SUCO: variants seen among roughly 807,000 people sequenced by gnomAD.
SUCO encodes SUN domain-containing ossification factor.
Under a neutral mutation model 148.1 loss-of-function variants are expected in SUCO, and 57 were observed. That is an observed-to-expected ratio of 0.38 (90% CI 0.31 to 0.48). The LOEUF (loss-of-function observed/expected upper bound fraction) is 0.48, where lower values mean the gene tolerates loss of function less well. Ranked by LOEUF, SUCO falls within the 20% of genes least tolerant of loss-of-function variation. The pLI, the probability that SUCO is intolerant of heterozygous loss-of-function variation, is 0.96. For synonymous variants in SUCO, 470 were observed against 502.7 expected, an observed-to-expected ratio of 0.93 and a Z score of 0.87; for missense variants, 1,331 against 1,468.2, an observed-to-expected ratio of 0.91 and a Z score of 1.53.
At chr1:172,563,710 A>T (rs1279523300) in intron 6 of SUCO, among the ~76,000 whole-genome samples, 1 of 152,206 alleles carries the variant, frequency 6.6e-6, no homozygotes, top group African/African-American at 2.4e-5. Context: ...AGAAAAACCC[A>T]TTCACTGGGG....
At position 172,610,435 on chromosome 1, in the gene SUCO, T is replaced by C; in HGVS notation, c.*176T>C. 1 of 949,742 alleles carries C rather than the reference T, an allele frequency of 1.1e-6. No homozygotes were observed. 58.8% of individuals were successfully genotyped at this position (949,742 alleles called of 1,614,324 possible). A position where few individuals can be genotyped will look rare whatever the true frequency, so the allele number is the denominator to read the frequency against. On this transcript the variant is annotated 3_prime_UTR_variant, in exon 24 of 24. Coordinates refer to ENST00000263688, the MANE Select transcript of SUCO (RefSeq NM_014283.5). ...ATTGTGTCAATCTTGGTTAATGAGC[T>C]ACAGTTTTACAAAGCTGATCACTTC...
Position 172,557,733 on chromosome 1 carries a change from G to A in SUCO, c.671G>A (p.Ser224Asn). The A allele has an allele frequency of 1.2e-6, 2 of 1,613,338 alleles. No homozygotes were observed. Among genetic ancestry groups the A allele is most frequent in the Non-Finnish European group, 1.7e-6 (2 of 1,179,712 alleles). Residue 224 changes from serine (S) to asparagine (N), a missense_variant, in exon 6 of 24, where the codon AGT becomes AAT. Transcript: ENST00000263688. ...KSEFESKVSA[S>N]EQGGGDPKSA... is the part of the protein sequence containing the mutation. ...GAATTTGAATCAAAAGTTTCAGCAAGTGAACAGGGCGGTGGTGATCCAAAA... is the reference window on the plus strand; with the variant it reads ...GAATTTGAATCAAAAGTTTCAGCAAATGAACAGGGCGGTGGTGATCCAAAA...
At position 172,589,087 on chromosome 1, in the gene SUCO, T is replaced by C. The variant is rs776840363; in HGVS notation, c.1986T>C (p.Ala662=). The C allele has an allele frequency of 1.2e-6, 2 of 1,613,682 alleles. No homozygotes were observed. Among genetic ancestry groups the C allele is most frequent in the East Asian group, 2.2e-5 (1 of 44,884 alleles). The change falls in exon 18 of 24, where the codon GCT becomes GCC. Residue 662 remains alanine (A), a synonymous_variant. Transcript: ENST00000263688. ...LSKGKDYLVL[A]QPPLLLPAES... ...AAGGAAAAGATTATCTTGTGTTAGC[T>C]CAACCACCCTTACTACTTCCTGCGG...
chr1:172,556,227 T>A (rs2149232809), intron 4 of SUCO, among the ~76,000 whole-genome samples: 1 of 152,350 alleles, frequency 6.6e-6, no homozygotes, highest in East Asian at 1.9e-4. Context: ...CAAGTTTATT[T>A]AGCTAACTAA....
At chr1:172,558,914 CTGTT>C (rs756424937) in intron 6 of SUCO, among the ~76,000 whole-genome samples, 9 of 152,196 alleles carry the variant, frequency 5.9e-5, no homozygotes, top group Non-Finnish European at 8.8e-5. Context: ...GAGACTTAAA[CTGTT>C]TGTGAGTCTA....
intron 15 of SUCO, among the ~76,000 whole-genome samples, chr1:172,580,390 C>T (rs918743823): frequency 3.9e-5 from 6 of 152,056 alleles, no homozygotes; most frequent in African/African-American, 1.2e-4. Context: ...TTCTGACTTT[C>T]TAGATATTAG....
chr1:172,606,146 C>G (rs1007909729), intron 22 of SUCO, among the ~76,000 whole-genome samples: 4 of 151,232 alleles, frequency 2.6e-5, no homozygotes, highest in Non-Finnish European at 5.9e-5. Context: ...TATATTATTT[C>G]TACATAATTT....
At chr1:172,593,002 T>C (rs2149263404) in intron 19 of SUCO, among the ~76,000 whole-genome samples, 1 of 152,316 alleles carries the variant, frequency 6.6e-6, no homozygotes, top group East Asian at 1.9e-4. Flanking sequence ...CCCTTTTAAG[T>C]TGGATTCCTA....
Position 172,553,239 on chromosome 1 carries a change from TTTG to T in SUCO, c.178-9_178-7del, listed in dbSNP as rs766194690. 204 of 1,537,104 alleles carry T rather than the reference TTTG, an allele frequency of 1.3e-4. No homozygotes were observed. Among genetic ancestry groups the T allele is most frequent in the Middle Eastern group, 8.7e-4 (5 of 5,720 alleles). Reference sequence around the variant, plus strand: ...TGTAAAACAGTTTTATCAGGTGATTTTTGTTGTTGTTGTTATATAGGATGAAAG... The same window carrying T: ...TGTAAAACAGTTTTATCAGGTGATTTTTGTTGTTGTTATATAGGATGAAAG... On this transcript the variant is annotated intron_variant, in intron 2 of 23. Coordinates refer to ENST00000263688, the MANE Select transcript of SUCO (RefSeq NM_014283.5).
intron 19 of SUCO, among the ~76,000 whole-genome samples, chr1:172,591,655 A>G (rs1343501254): frequency 3.3e-5 from 5 of 151,924 alleles, no homozygotes; most frequent in South Asian, 2.1e-4. Flanking sequence ...TATATGTGCC[A>G]CATTTTCTTA....
intron 20 of SUCO, among the ~76,000 whole-genome samples, chr1:172,600,515 T>G (rs1460899612): frequency 6.6e-6 from 1 of 152,144 alleles, no homozygotes; most frequent in African/African-American, 2.4e-5. Flanking sequence ...ATTTAAAAAC[T>G]TTTTATTGAG....
intron 1 of SUCO, chr1:172,542,789 A>C (rs555688488): frequency 2.0e-6 from 2 of 985,464 alleles, no homozygotes; most frequent in South Asian, 4.7e-5. Context: ...GGTGCCAAGC[A>C]TAGTAAAGCT....
chr1:172,585,912 A>C lies in SUCO; in HGVS notation c.1622A>C (p.Glu541Ala). 6.2e-6 allele frequency: 10 copies of C among 1,611,370 alleles called. No individual in the cohort carries two copies. Among genetic ancestry groups the C allele is most frequent in the Non-Finnish European group, 7.6e-6 (9 of 1,178,710 alleles). Residue 541 changes from glutamate (E) to alanine (A), a missense_variant, in exon 17 of 24, where the codon GAA becomes GCA. This residue lies in a region of SUCO where 992 missense variants were observed against 1,093.5 expected (regional missense o/e 0.91). Transcript: ENST00000263688. ...GCCACAGCTGCACCTAAAATGCCTG[A>C]ATCAACTCCTGTTTCAACTCCTGTT... ...ATATAAPKMPESTPVSTPVPS... is the reference protein window; with the variant it reads ...ATATAAPKMPASTPVSTPVPS...
At chr1:172,543,681 A>T (rs981915033) in intron 1 of SUCO, among the ~76,000 whole-genome samples, 1 of 152,154 alleles carries the variant, frequency 6.6e-6, no homozygotes, top group Non-Finnish European at 1.5e-5. Flanking sequence ...TAAAAGTCAG[A>T]ACTACTGAAA....
intron 15 of SUCO, 93 bp downstream of exon 15, chr1:172,579,360 C>T: frequency 1.4e-6 from 1 of 733,570 alleles, no homozygotes; most frequent in Non-Finnish European, 2.3e-6. Context: ...GAGAATTCTC[C>T]CAGTGTTGAA....
chr1:172,568,701 A>T (rs2149244067), intron 6 of SUCO, among the ~76,000 whole-genome samples: 1 of 152,248 alleles, frequency 6.6e-6, no homozygotes, highest in East Asian at 1.9e-4. Flanking sequence ...GCAAGTATAC[A>T]ATTTATTCAT....
At chr1:172,581,473 C>CT (rs1655880238) in intron 15 of SUCO, among the ~76,000 whole-genome samples, 1 of 152,138 alleles carries the variant, frequency 6.6e-6, no homozygotes, top group African/African-American at 2.4e-5. Context: ...ACTTTATAGA[C>CT]TTGGCCTAAC....
rs1571300773 is a variant in SUCO, at chr1:172,606,273, C to T, written c.3266-2474C>T. On this transcript the variant is annotated intron_variant, in intron 22 of 23. Transcript: ENST00000263688. Reference sequence around the variant, plus strand: ...AAAAATTAGATGGGCAGGGGTATCCCTTTTAATTTTTTTTTTTTTTCCCCT... The same window carrying T: ...AAAAATTAGATGGGCAGGGGTATCCTTTTTAATTTTTTTTTTTTTTCCCCT... Among the ~76,000 whole-genome samples the T allele has an allele frequency of 2.9e-5, 3 of 102,534 alleles. No individual in the cohort carries two copies. The East Asian group carries it at 6.7e-4, about 23-fold the overall frequency. 67.3% of individuals were successfully genotyped at this position (102,534 alleles called of 152,430 possible).
chr1:172,605,181 C>T (rs913699222), intron 22 of SUCO, among the ~76,000 whole-genome samples: 2 of 151,766 alleles, frequency 1.3e-5, no homozygotes, highest in African/African-American at 2.4e-5. Context: ...TTAAGTTCAA[C>T]GAAGTCCCAT....
Sources: gnomAD v4.1 joint callset for allele counts (sites outside exome capture counted in the v4.1 genomes callset) on GRCh38, gnomAD v4.1.1 for gene constraint, gnomAD v4.1.1 regional missense constraint, MANE v1.5 for transcripts, NCBI Gene and HGNC (gene_info 2026-07-23, HGNC 2026-07-21) for gene names.